The following PRUNE2 variants were observed in gnomAD, a reference collection of about 807,000 sequenced individuals.
PRUNE2 encodes the protein prune homolog 2 with BCH domain, also known as protein prune homolog 2.
Under a neutral mutation model 252.0 loss-of-function variants are expected in PRUNE2, and 164 were observed. That is an observed-to-expected ratio of 0.65 (90% CI 0.57 to 0.74). PRUNE2 has a LOEUF of 0.74. Ranked by LOEUF, PRUNE2 falls within the 30% of genes least tolerant of loss-of-function variation. The probability of loss-of-function intolerance (pLI) is 0.00; values close to 1 mark genes in which losing one functional copy is unlikely to be tolerated. For synonymous variants in PRUNE2, 1,292 were observed against 1,350.2 expected (o/e 0.96, Z 0.94); for missense variants, 3,495 against 3,711.0 (o/e 0.94, Z 1.51).
At chr9:76,880,959 A>ATTT (rs1212200598) in intron 1 of PRUNE2, among the ~76,000 whole-genome samples, 23 of 137,124 alleles carry the variant, frequency 1.7e-4, no homozygotes, top group African/African-American at 5.3e-4. Context: ...ATCCTTGTTA[A>ATTT]TTTTTTTTTT....
At position 76,709,187 on chromosome 9, in the gene PRUNE2, G is replaced by A. The variant is rs781504068; in HGVS notation, c.3087C>T (p.Asn1029=). The A allele has an allele frequency of 1.2e-6, 2 of 1,613,694 alleles. No homozygotes were observed. The highest frequency in any genetic ancestry group is 2.7e-5 in the African/African-American group (2 of 74,886). ...TATGAGGTGAAGCCCACATGTCTAG[G>A]TTCCCAGGACCTGAACTGATTCGAT... ...SRNRISSGPG[N]LDMWASPHTD... The change falls in exon 8 of 19, where the codon AAC becomes AAT. Residue 1029 remains asparagine, a synonymous_variant. Coordinates refer to ENST00000376718, the MANE Select transcript of PRUNE2 (RefSeq NM_015225.3).
At chr9:76,642,105 A>G in intron 12 of PRUNE2, 1 of 643,992 alleles carries the variant, frequency 1.6e-6, no homozygotes, top group Non-Finnish European at 2.5e-6. Flanking sequence ...CTCCAAGTTC[A>G]AAAAAAAAGC....
intron 9 of PRUNE2, among the ~76,000 whole-genome samples, chr9:76,687,016 C>T (rs2044169287): frequency 6.6e-6 from 1 of 152,194 alleles, no homozygotes; most frequent in African/African-American, 2.4e-5. Context: ...GTCAGGACTA[C>T]AGGCATGAGC....
At chr9:76,689,649 G>T (rs570736218) in intron 9 of PRUNE2, among the ~76,000 whole-genome samples, 1 of 151,960 alleles carries the variant, frequency 6.6e-6, no homozygotes, top group Non-Finnish European at 1.5e-5. Context: ...ATGAGATACC[G>T]CACCAAGATT....
intron 6 of PRUNE2, among the ~76,000 whole-genome samples, chr9:76,770,818 G>C (rs758981820): frequency 6.6e-6 from 1 of 152,130 alleles, no homozygotes; most frequent in Non-Finnish European, 1.5e-5. Flanking sequence ...ATCCAGAAAT[G>C]ACTGCTCATA....
chr9:76,642,103 T>C, intron 12 of PRUNE2: 1 of 773,220 alleles, frequency 1.3e-6, no homozygotes, highest in Non-Finnish European at 2.0e-6. Flanking sequence ...AGCTCCAAGT[T>C]CAAAAAAAAA....
At chr9:76,796,260 C>T (rs2056085667) in intron 6 of PRUNE2, among the ~76,000 whole-genome samples, 1 of 151,754 alleles carries the variant, frequency 6.6e-6, no homozygotes, top group Non-Finnish European at 1.5e-5. Context: ...TAGAAGGGAC[C>T]ACGCAATGGA....
At chr9:76,868,839 G>GC (rs1239319483) in intron 1 of PRUNE2, 2 of 95,544 alleles carry the variant, frequency 2.1e-5, no homozygotes, top group Non-Finnish European at 1.8e-5. Context: ...TTGGGGGGTG[G>GC]GGGGGGGGGC....
At chr9:76,734,314 T>C (rs1184029887) in intron 6 of PRUNE2, among the ~76,000 whole-genome samples, 1 of 151,978 alleles carries the variant, frequency 6.6e-6, no homozygotes, top group Non-Finnish European at 1.5e-5. Flanking sequence ...GAGGAGAAGG[T>C]GGTACAAGCA....
chr9:76,710,181 G>A lies in PRUNE2; in HGVS notation c.2093C>T (p.Ala698Val), dbSNP rs2046614961. 1.9e-6 allele frequency: 3 copies of A among 1,613,688 alleles called. No individual in the cohort carries two copies. Among genetic ancestry groups the A allele is most frequent in the African/African-American group, 2.7e-5 (2 of 74,894 alleles). The change falls in exon 8 of 19, where the codon GCC becomes GTC. Residue 698 changes from alanine (A) to valine (V), a missense_variant. By Grantham distance (64) the Ala-to-Val change is moderately conservative. Transcript: ENST00000376718. ...EHKPSSIDRR[A>V]SDSVFQPKSL... is the part of the protein sequence containing the mutation. ...CTTTGGTTGAAATACAGAATCTGAG[G>A]CTCTCCTATCAATGGAGCTTGGCTT...
At chr9:76,818,404 G>C (rs2057825704) in intron 6 of PRUNE2, among the ~76,000 whole-genome samples, 1 of 152,150 alleles carries the variant, frequency 6.6e-6, no homozygotes, top group Admixed American at 6.5e-5. Flanking sequence ...ATTCATTCTG[G>C]TCTGTGCTTT....
intron 4 of PRUNE2, among the ~76,000 whole-genome samples, chr9:76,838,918 A>G (rs754370466): frequency 2.0e-5 from 3 of 152,152 alleles, no homozygotes; most frequent in Non-Finnish European, 4.4e-5. Flanking sequence ...CATGTTTTGC[A>G]TTCTTTTTGG....
chr9:76,736,152 G>A (rs1046338794), intron 6 of PRUNE2, among the ~76,000 whole-genome samples: 2 of 151,904 alleles, frequency 1.3e-5, no homozygotes, highest in Non-Finnish European at 2.9e-5. Context: ...GTGTGTGTGT[G>A]TGTGTGTGTA....
intron 14 of PRUNE2, among the ~76,000 whole-genome samples, chr9:76,636,973 A>ATGTGTGTGTGTGTGTGTGTG (rs71354667): frequency 2.1e-5 from 3 of 145,406 alleles, no homozygotes; most frequent in African/African-American, 8.0e-5. Flanking sequence ...AACAACAAAA[A>ATGTGTGTGTGTGTGTGTGTG]TGTGTGTGTG....
intron 9 of PRUNE2, among the ~76,000 whole-genome samples, chr9:76,662,611 G>C (rs938150024): frequency 6.6e-6 from 1 of 152,156 alleles, no homozygotes; most frequent in Non-Finnish European, 1.5e-5. Flanking sequence ...ACACATACCA[G>C]TAGCATTTCT....
intron 6 of PRUNE2, among the ~76,000 whole-genome samples, chr9:76,792,682 GATTT>G (rs1291705457): frequency 1.3e-5 from 2 of 152,092 alleles, no homozygotes; most frequent in African/African-American, 2.4e-5. Context: ...TTTTTTCACA[GATTT>G]ATTAGCTATT....
chr9:76,802,910 T>C (rs1010675949), intron 6 of PRUNE2, among the ~76,000 whole-genome samples: 2 of 152,146 alleles, frequency 1.3e-5, no homozygotes, highest in Non-Finnish European at 2.9e-5. Context: ...CATGCTGACA[T>C]CGACACACTT....
chr9:76,761,892 T>C (rs1220015763), intron 6 of PRUNE2, among the ~76,000 whole-genome samples: 2 of 152,214 alleles, frequency 1.3e-5, no homozygotes, highest in African/African-American at 4.8e-5. Context: ...AGGTACAATT[T>C]TTAAATGATT....
intron 15 of PRUNE2, among the ~76,000 whole-genome samples, chr9:76,631,312 A>G (rs758628893): frequency 6.6e-6 from 1 of 152,160 alleles, no homozygotes; most frequent in African/African-American, 2.4e-5. Context: ...TGAACATGCC[A>G]TGTTCTCTCT....
Sources: gnomAD v4.1 joint callset for allele counts (sites outside exome capture counted in the v4.1 genomes callset) on GRCh38, gnomAD v4.1.1 for gene constraint, MANE v1.5 for transcripts, NCBI Gene and HGNC (gene_info 2026-07-23, HGNC 2026-07-21) for gene names.